Variants in FGF12 observed in about 807,000 individuals in gnomAD.
FGF12 encodes fibroblast growth factor 12.
A neutral mutation model predicts 23.6 loss-of-function variants in FGF12; 14 were observed. The ratio of observed to expected loss-of-function variants is 0.59; its 90% CI spans 0.39 to 0.93. The LOEUF is 0.93. FGF12 is among the 40% of genes least tolerant of loss of function. The probability of loss-of-function intolerance (pLI) is 0.00; values close to 1 mark genes in which losing one functional copy is unlikely to be tolerated. For synonymous variants in FGF12, 62 were observed against 77.3 expected, an observed-to-expected ratio of 0.80 and a Z score of 1.04; for missense variants, 175 against 217.8, an observed-to-expected ratio of 0.80 and a Z score of 1.24.
At chr3:192,534,471 C>T (rs1422730035) in intron 2 of FGF12, among the ~76,000 whole-genome samples, 1 of 152,136 alleles carries the variant, frequency 6.6e-6, no homozygotes, top group Admixed American at 6.5e-5. Context: ...TCTTGCCTCA[C>T]TGCAACCTCC....
intron 2 of FGF12, among the ~76,000 whole-genome samples, chr3:192,670,371 G>T (rs1202648862): frequency 1.3e-5 from 2 of 151,838 alleles, no homozygotes; most frequent in African/African-American, 4.8e-5. Flanking sequence ...AATAAGGTAG[G>T]TATTAATAAA....
At chr3:192,640,510 T>C (rs886842481) in intron 2 of FGF12, among the ~76,000 whole-genome samples, 5 of 152,098 alleles carry the variant, frequency 3.3e-5, no homozygotes, top group African/African-American at 1.2e-4. Flanking sequence ...CACAAAATAT[T>C]AGCAAAAGAA....
At chr3:192,507,942 C>A (rs924978987) in intron 2 of FGF12, among the ~76,000 whole-genome samples, 4 of 152,198 alleles carry the variant, frequency 2.6e-5, no homozygotes, top group African/African-American at 9.6e-5. Flanking sequence ...GATGCTGAAC[C>A]AACATGGCGA....
chr3:192,328,271 G>A (rs1407065899), intron 4 of FGF12, among the ~76,000 whole-genome samples: 10 of 152,194 alleles, frequency 6.6e-5, no homozygotes. Flanking sequence ...GCTAAATAGA[G>A]AATAACACTA....
intron 2 of FGF12, among the ~76,000 whole-genome samples, chr3:192,542,751 T>C (rs778967673): frequency 7.9e-5 from 12 of 152,046 alleles, no homozygotes; most frequent in Non-Finnish European, 1.6e-4. Flanking sequence ...AACAATATGG[T>C]TCTTGCAGAC....
intron 2 of FGF12, among the ~76,000 whole-genome samples, chr3:192,630,315 A>T (rs1299658839): frequency 6.6e-6 from 1 of 152,122 alleles, no homozygotes; most frequent in Non-Finnish European, 1.5e-5. Context: ...TAAATTACCA[A>T]GTCTCAGGTA....
intron 4 of FGF12, among the ~76,000 whole-genome samples, chr3:192,229,205 C>A (rs1356470015): frequency 1.3e-5 from 2 of 151,160 alleles, no homozygotes; most frequent in African/African-American, 2.4e-5. Flanking sequence ...GCTATGCACA[C>A]AGAAGGAATA....
chr3:192,522,212 CA>C (rs1157460890), intron 2 of FGF12, among the ~76,000 whole-genome samples: 1 of 131,838 alleles, frequency 7.6e-6, no homozygotes, highest in African/African-American at 2.9e-5. Flanking sequence ...AAAAAAAAAA[CA>C]AAAAAAAACG....
chr3:192,217,744 T>C (rs1018777569), intron 4 of FGF12, among the ~76,000 whole-genome samples: 4 of 152,246 alleles, frequency 2.6e-5, no homozygotes, highest in Admixed American at 2.6e-4. Context: ...AAAATCCTAA[T>C]TTAAAAGGAT....
chr3:192,483,313 C>CGTG (rs1239248368), intron 2 of FGF12, among the ~76,000 whole-genome samples: 5 of 152,126 alleles, frequency 3.3e-5, no homozygotes, highest in African/African-American at 1.2e-4. Flanking sequence ...CATATACCAC[C>CGTG]ACTAGCTGTC....
At chr3:192,613,990 A>G (rs1714652920) in intron 2 of FGF12, among the ~76,000 whole-genome samples, 1 of 151,876 alleles carries the variant, frequency 6.6e-6, no homozygotes, top group Admixed American at 6.6e-5. Context: ...AATCAAAGTC[A>G]TAAGAGCATG....
chr3:192,263,262 CA>C (rs1712873962), intron 4 of FGF12, among the ~76,000 whole-genome samples: 1 of 151,962 alleles, frequency 6.6e-6, no homozygotes, highest in African/African-American at 2.4e-5. Flanking sequence ...ATTTCATAAA[CA>C]ATTATTTAGT....
chr3:192,602,549 C>T (rs186461741), intron 2 of FGF12, among the ~76,000 whole-genome samples: 151 of 152,110 alleles, frequency 9.9e-4, no homozygotes, highest in Middle Eastern at 3.4e-3. Flanking sequence ...AAGAAGTGTC[C>T]ACTCTCAGGC....
intron 2 of FGF12, among the ~76,000 whole-genome samples, chr3:192,604,690 G>A (rs909617590): frequency 6.6e-6 from 1 of 152,080 alleles, no homozygotes; most frequent in Admixed American, 6.6e-5. Context: ...ATTTTTTACA[G>A]AACTAGAAAA....
intron 4 of FGF12, among the ~76,000 whole-genome samples, chr3:192,321,061 C>A (rs1216037608): frequency 6.6e-6 from 1 of 151,818 alleles, no homozygotes; most frequent in Non-Finnish European, 1.5e-5. Context: ...CACTTTTAAG[C>A]CAGACCAATG....
At chr3:192,427,445 G>A (rs573413265) in intron 2 of FGF12, among the ~76,000 whole-genome samples, 19 of 151,748 alleles carry the variant, frequency 1.3e-4, no homozygotes, top group African/African-American at 4.6e-4. Context: ...CATGATGTAC[G>A]TAGTAGTGCC....
At chr3:192,158,380 T>TTCTTTCTTTC (rs1560171518) in intron 5 of FGF12, among the ~76,000 whole-genome samples, 2 of 116,784 alleles carry the variant, frequency 1.7e-5, no homozygotes, top group Non-Finnish European at 3.5e-5. Context: ...CTTTCTTTCT[T>TTCTTTCTTTC]TCTTTTCTTT....
chr3:192,601,975 A>C (rs1344224121), intron 2 of FGF12, among the ~76,000 whole-genome samples: 2 of 152,142 alleles, frequency 1.3e-5, no homozygotes, highest in Non-Finnish European at 2.9e-5. Flanking sequence ...AGCACCCATG[A>C]ATATGGAGGG....
chr3:192,300,505 G>A (rs1260585367), intron 4 of FGF12, among the ~76,000 whole-genome samples: 1 of 152,098 alleles, frequency 6.6e-6, no homozygotes, highest in Admixed American at 6.6e-5. Context: ...CCTGGGGGAA[G>A]CATGGTAGGT....
Sources: allele counts gnomAD v4.1 joint callset (sites outside exome capture counted in the v4.1 genomes callset), GRCh38; gene constraint gnomAD v4.1.1; transcripts MANE v1.5; gene names NCBI Gene and HGNC (gene_info 2026-07-23, HGNC 2026-07-21).